Variants in AKR1B15 observed in about 807,000 individuals in gnomAD.
AKR1B15 encodes the protein estradiol 17-beta-dehydrogenase AKR1B15.
In AKR1B15, 49 loss-of-function variants were observed where a neutral mutation model predicts 38.5. That is an observed-to-expected ratio of 1.27 (90% CI 1.01 to 1.62). AKR1B15 has a LOEUF of 1.62. AKR1B15 is among the 40% of genes most tolerant of loss of function. AKR1B15 has a pLI of 0.00. For missense variants in AKR1B15, 411 were observed against 381.6 expected, an observed-to-expected ratio of 1.08 and a Z score of -0.64; for synonymous variants, 137 against 135.5, an observed-to-expected ratio of 1.01 and a Z score of -0.08.
chr7:134,578,965 C>T (rs1381044666), intron 11 of AKR1B15, among the ~76,000 whole-genome samples: 3 of 152,244 alleles, frequency 2.0e-5, no homozygotes, highest in Non-Finnish European at 2.9e-5. Context: ...GTAAATCCAC[C>T]TGGCCTCAAA....
At chr7:134,577,457 C>G (rs567590161) in intron 10 of AKR1B15, among the ~76,000 whole-genome samples, 10 of 152,192 alleles carry the variant, frequency 6.6e-5, no homozygotes, top group Non-Finnish European at 1.5e-5. Flanking sequence ...GGCCTGTGCA[C>G]GCCTGGGGTT....
At chr7:134,558,152 G>A (rs182376173) in intron 2 of AKR1B15, among the ~76,000 whole-genome samples, 8 of 152,286 alleles carry the variant, frequency 5.3e-5, no homozygotes, top group Admixed American at 3.9e-4. Flanking sequence ...GTTTATGGGT[G>A]TATAAGAATT....
At chr7:134,563,905 G>A (rs368428595) in intron 2 of AKR1B15, among the ~76,000 whole-genome samples, 3 of 152,118 alleles carry the variant, frequency 2.0e-5, no homozygotes, top group South Asian at 4.1e-4. Flanking sequence ...AAATGAAAAC[G>A]ACAAACTCAC....
rs1394580827 is a variant in AKR1B15 at position 134,569,486 on chromosome 7, G to A, written c.392G>A (p.Ser131Asn). The change falls in exon 5 of 12, where the codon AGC becomes AAC. Residue 131 changes from serine to asparagine, a missense_variant. By Grantham distance (46) the Ser-to-Asn change is conservative. Coordinates refer to ENST00000457545, the MANE Select transcript of AKR1B15 (RefSeq NM_001080538.3). ...AAGACCCTCAAGGACCTGAAGCTGA[G>A]CTATCTGGACGTCTATCTTATTCAC... Reference protein sequence around the residue: ...FEKTLKDLKLSYLDVYLIHWP... With the variant: ...FEKTLKDLKLNYLDVYLIHWP... The A allele has an allele frequency of 5.0e-6, 8 of 1,613,950 alleles. No homozygotes were observed. The South Asian group carries it at 8.8e-5, about 18-fold the overall frequency.
chr7:134,577,173 T>A, intron 10 of AKR1B15, 127 bp downstream of exon 10: 1 of 1,009,586 alleles, frequency 9.9e-7, no homozygotes, highest in Admixed American at 2.2e-5. Context: ...ACCCTATCAT[T>A]TTCCAGCCCA....
intron 2 of AKR1B15, among the ~76,000 whole-genome samples, chr7:134,562,159 C>A (rs536512830): frequency 1.2e-4 from 19 of 152,236 alleles, no homozygotes; most frequent in African/African-American, 4.6e-4. Flanking sequence ...TTGATTCCTT[C>A]CAGTGGTTTT....
In AKR1B15 at chr7:134,577,775, T is replaced by G; in HGVS notation, c.981T>G (p.Phe327Leu). 6.2e-7 allele frequency: 1 copy of G among 1,613,922 alleles called. No homozygotes were observed. The highest frequency in any genetic ancestry group is 8.5e-7 in the Non-Finnish European group (1 of 1,179,920). Residue 327 changes from phenylalanine (F) to leucine (L), a missense_variant, in exon 11 of 12, where the codon TTT becomes TTG. Phe to Leu is a conservative substitution (Grantham distance 22). This residue lies in a region of AKR1B15 where 133 missense variants were observed against 120.3 expected (regional missense o/e 1.11). Coordinates refer to ENST00000457545, the MANE Select transcript of AKR1B15 (RefSeq NM_001080538.3). The part of the protein sequence containing the change: ...ILSFNRNWRA[F>L]DFKEFSHLED... The stretch of plus-strand genomic sequence containing the variant: ...GCTTCAACAGAAACTGGAGGGCCTT[T>G]GACTTCAAGGAGTAAGTGGCATGGA...
intron 1 of AKR1B15, among the ~76,000 whole-genome samples, chr7:134,551,960 A>G (rs1167427514): frequency 1.3e-5 from 2 of 152,154 alleles, no homozygotes; most frequent in African/African-American, 4.8e-5. Flanking sequence ...TGACCACCAC[A>G]GTGGGGGGCC....
At chr7:134,561,008 T>C (rs1465343282) in intron 2 of AKR1B15, among the ~76,000 whole-genome samples, 1 of 152,262 alleles carries the variant, frequency 6.6e-6, no homozygotes, top group African/African-American at 2.4e-5. Flanking sequence ...TACTGTGGCA[T>C]GCATACTCCC....
At chr7:134,564,351 G>A (rs1379144292) in intron 2 of AKR1B15, among the ~76,000 whole-genome samples, 1 of 152,144 alleles carries the variant, frequency 6.6e-6, no homozygotes, top group Non-Finnish European at 1.5e-5. Context: ...GAGAAAGGAG[G>A]GCTCTGCATC....
chr7:134,566,276 C>G (rs1794532111), intron 3 of AKR1B15, among the ~76,000 whole-genome samples: 1 of 152,122 alleles, frequency 6.6e-6, no homozygotes, highest in Non-Finnish European at 1.5e-5. Context: ...GTCTGGGCAA[C>G]AGAGTGAGAT....
In AKR1B15 at chr7:134,572,914, G is replaced by A. The variant is rs991429464; in HGVS notation, c.513+1233G>A. On this transcript the variant is annotated intron_variant, in intron 6 of 11. Coordinates refer to ENST00000457545, the MANE Select transcript of AKR1B15 (RefSeq NM_001080538.3). The stretch of plus-strand genomic sequence containing the variant: ...GTGCATGTAGTTGCGAGTTTGTATT[G>A]TGTTTTACACGGGAAAATATATTAA... 1.6e-4 allele frequency among the ~76,000 whole-genome samples: 25 copies of A among 152,164 alleles called. 1 individual carries two copies. The highest frequency in any genetic ancestry group is 1.2e-4 in the African/African-American group (5 of 41,438).
At chr7:134,552,333 G>A (rs12056185) in intron 1 of AKR1B15, among the ~76,000 whole-genome samples, 10,796 of 152,044 alleles carry the variant, frequency 0.071, 642 homozygotes, top group East Asian at 0.31. Context: ...CACAACTGCC[G>A]GAGAATAAAA....
In AKR1B15 at chr7:134,553,642, G is replaced by A. The variant is rs147580952; in HGVS notation, c.-146-3094G>A. On this transcript the variant is annotated intron_variant, in intron 1 of 11. Coordinates refer to ENST00000457545, the MANE Select transcript of AKR1B15 (RefSeq NM_001080538.3). Reference sequence around the variant, plus strand: ...TCTGGCAAATGGATGTCGAATGCTCGCATCTTGCGGTATCAGAGTTTACTG... The same window carrying A: ...TCTGGCAAATGGATGTCGAATGCTCACATCTTGCGGTATCAGAGTTTACTG... 1.3e-4 allele frequency among the ~76,000 whole-genome samples: 20 copies of A among 152,330 alleles called. No homozygotes were observed. The East Asian group carries it at 2.5e-3, about 19-fold the overall frequency.
At chr7:134,555,023 C>A (rs1286216774) in intron 1 of AKR1B15, among the ~76,000 whole-genome samples, 2 of 152,212 alleles carry the variant, frequency 1.3e-5, no homozygotes, top group African/African-American at 2.4e-5. Flanking sequence ...AAAGCTCCTT[C>A]CTTTAGCCCT....
rs187207012 is a variant in AKR1B15 at position 134,575,781 on chromosome 7, A to G, written c.637-40A>G. ...ACTCCCTAGGAACAATGCAAAACAG[A>G]GCCGGCTTTCCCCGTGATGAGGATT... is the stretch of plus-strand genomic sequence containing the variant. On this transcript the variant is annotated intron_variant, in intron 7 of 11. Transcript: ENST00000457545. 14,339 of 1,610,036 alleles carry G rather than the reference A, an allele frequency of 8.9e-3. 1,012 individuals are homozygous for G. The Admixed American group carries it at 0.16, about 18-fold the overall frequency.
intron 3 of AKR1B15, chr7:134,565,470 C>G (rs1264888620): frequency 1.2e-6 from 2 of 1,613,128 alleles, no homozygotes; most frequent in East Asian, 2.2e-5. Context: ...AGAATCATTT[C>G]CGCACCAACC....
At chr7:134,568,618 G>A (rs1401822507) in intron 4 of AKR1B15, among the ~76,000 whole-genome samples, 2 of 152,152 alleles carry the variant, frequency 1.3e-5, no homozygotes, top group African/African-American at 2.4e-5. Flanking sequence ...GGCAGTCACA[G>A]GCCAAGGGTG....
In AKR1B15 at chr7:134,555,502, G is replaced by A. The variant is rs57581030; in HGVS notation, c.-146-1234G>A. Among the ~76,000 whole-genome samples the A allele has an allele frequency of 2.9e-3, 445 of 152,122 alleles. 1 individual carries two copies. The highest frequency in any genetic ancestry group is 9.8e-3 in the African/African-American group (405 of 41,512). On this transcript the variant is annotated intron_variant, in intron 1 of 11. Coordinates refer to ENST00000457545, the MANE Select transcript of AKR1B15 (RefSeq NM_001080538.3). ...TGCGCCTAAGTTGAGTAAAGCTATC[G>A]AATTAATTCTTTTTATTTACCTCTT... is the stretch of plus-strand genomic sequence containing the variant.
Sources: gnomAD v4.1 joint callset for allele counts (sites outside exome capture counted in the v4.1 genomes callset) on GRCh38, gnomAD v4.1.1 for gene constraint, gnomAD v4.1.1 regional missense constraint, MANE v1.5 for transcripts, NCBI Gene and HGNC (gene_info 2026-07-23, HGNC 2026-07-21) for gene names.